WFDC1: variants seen among roughly 807,000 people sequenced by gnomAD.
The protein encoded by WFDC1 is WAP four-disulfide core domain 1.
A neutral mutation model predicts 32.9 loss-of-function variants in WFDC1; 39 were observed. That is an observed-to-expected ratio of 1.19 (90% CI 0.92 to 1.55). WFDC1 has a LOEUF of 1.55. Ranked by LOEUF, WFDC1 falls within the 40% of genes most tolerant of loss-of-function variation. WFDC1 has a pLI of 0.00. For missense variants in WFDC1, 386 were observed against 309.5 expected (o/e 1.25, Z -1.85); for synonymous variants, 184 against 137.4 (o/e 1.34, Z -2.37).
chr16:84,297,131 T>C (rs1471161146), intron 1 of WFDC1: 1 of 152,216 alleles, frequency 6.6e-6, no homozygotes, highest in Non-Finnish European at 1.5e-5. Context: ...TCAGGGTTGA[T>C]ATGCGCGGGG....
intron 3 of WFDC1, chr16:84,318,947 C>T: frequency 5.2e-6 from 1 of 193,334 alleles, no homozygotes; most frequent in Non-Finnish European, 1.1e-5. Flanking sequence ...TGTGTGCATG[C>T]AAAAGTGTGT....
chr16:84,303,299 G>A (rs1489504604), intron 1 of WFDC1, among the ~76,000 whole-genome samples: 1 of 152,126 alleles, frequency 6.6e-6, no homozygotes, highest in East Asian at 1.9e-4. Context: ...TGGCCGCTAA[G>A]CTGCTGGAAC....
At chr16:84,309,342 G>A (rs896407014) in intron 1 of WFDC1, among the ~76,000 whole-genome samples, 8 of 152,180 alleles carry the variant, frequency 5.3e-5, no homozygotes, top group African/African-American at 1.9e-4. Context: ...TGTCCCGAGG[G>A]TGCTGGGAAG....
At chr16:84,315,121 G>A (rs979253563) in intron 2 of WFDC1, among the ~76,000 whole-genome samples, 1 of 152,164 alleles carries the variant, frequency 6.6e-6, no homozygotes, top group African/African-American at 2.4e-5. Flanking sequence ...GGAATGTGGA[G>A]CCCCTGCCCT....
chr16:84,310,955 G>T (rs2151374224), intron 1 of WFDC1, among the ~76,000 whole-genome samples: 1 of 152,318 alleles, frequency 6.6e-6, no homozygotes. Flanking sequence ...AAGCATTTTA[G>T]ATTAAAGGAA....
chr16:84,311,680 G>C (rs189352882), intron 1 of WFDC1, among the ~76,000 whole-genome samples: 1 of 137,922 alleles, frequency 7.3e-6, no homozygotes, highest in Non-Finnish European at 1.5e-5. Context: ...AGGAGAGAAT[G>C]AGCATGCCTG....
chr16:84,323,756 C>T (rs1308519758), intron 4 of WFDC1, among the ~76,000 whole-genome samples: 1 of 152,188 alleles, frequency 6.6e-6, no homozygotes, highest in Admixed American at 6.5e-5. Context: ...ATCTCTTCCC[C>T]CTGTGAACAT....
chr16:84,298,224 A>G (rs2151363936), intron 1 of WFDC1, among the ~76,000 whole-genome samples: 1 of 152,048 alleles, frequency 6.6e-6, no homozygotes, highest in East Asian at 1.9e-4. Context: ...TCTTGTGCCT[A>G]GGCCTCCTGA....
Position 84,326,971 on chromosome 16 carries a change from G to A in WFDC1, c.*15+16G>A, listed in dbSNP as rs1460367155. On this transcript the variant is annotated intron_variant, in intron 6 of 6. Transcript: ENST00000219454. ...CGGCAAGCAGGTGAGTGGGCAGAGA[G>A]CAAGAGTCATGGCCAGGGTAAATGT... is the stretch of plus-strand genomic sequence containing the variant. 1.2e-6 allele frequency: 2 copies of A among 1,613,598 alleles called. No homozygotes were observed. The highest frequency in any genetic ancestry group is 1.1e-5 in the South Asian group (1 of 91,060).
chr16:84,326,969 G>A lies in WFDC1; in HGVS notation c.*15+14G>A, dbSNP rs1245565908. 1.2e-6 allele frequency: 2 copies of A among 1,613,776 alleles called. No homozygotes were observed. Among genetic ancestry groups the A allele is most frequent in the Admixed American group, 1.7e-5 (1 of 60,020 alleles). On this transcript the variant is annotated intron_variant, in intron 6 of 6. Transcript: ENST00000219454. ...AACGGCAAGCAGGTGAGTGGGCAGA[G>A]AGCAAGAGTCATGGCCAGGGTAAAT...
At chr16:84,320,999 A>G (rs1033441313) in intron 4 of WFDC1, among the ~76,000 whole-genome samples, 2 of 152,214 alleles carry the variant, frequency 1.3e-5, no homozygotes, top group Non-Finnish European at 1.5e-5. Context: ...CTGAACTTTG[A>G]AGAAATTATC....
In WFDC1 at chr16:84,313,166, C is replaced by T; in HGVS notation, c.337+13C>T. On this transcript the variant is annotated intron_variant, in intron 2 of 6. Coordinates refer to ENST00000219454, the MANE Select transcript of WFDC1 (RefSeq NM_021197.4). ...CCGCCCCCGCCAGGTAGGTCCTGGG[C>T]CCGAGGGAGGGGGCTGAGGGAGGAG... 1 of 1,409,278 alleles carries T rather than the reference C, an allele frequency of 7.1e-7. No individual in the cohort carries two copies. 87.3% of individuals were successfully genotyped at this position (1,409,278 alleles called of 1,614,324 possible).
At chr16:84,317,224 C>T (rs1174460911) in intron 2 of WFDC1, 1 of 151,928 alleles carries the variant, frequency 6.6e-6, no homozygotes, top group African/African-American at 2.4e-5. Context: ...ACCTGGGAGG[C>T]AGAGGTTGCA....
chr16:84,309,551 G>A (rs1477025319), intron 1 of WFDC1, among the ~76,000 whole-genome samples: 1 of 152,120 alleles, frequency 6.6e-6, no homozygotes, highest in Non-Finnish European at 1.5e-5. Flanking sequence ...CAGATATCAA[G>A]TTTCCAGGGG....
intron 6 of WFDC1, 165 bp downstream of exon 6, chr16:84,327,120 A>G: frequency 3.1e-6 from 2 of 651,048 alleles, no homozygotes; most frequent in East Asian, 2.7e-5. Context: ...AACGTCATCA[A>G]TAGGTTCTTG....
chr16:84,318,145 G>A (rs1199603140), intron 2 of WFDC1, 127 bp from the exon 3 acceptor site: 3 of 820,400 alleles, frequency 3.7e-6, no homozygotes, highest in Non-Finnish European at 6.1e-6. Flanking sequence ...GGTGTGCCAG[G>A]AACCATAGTT....
In WFDC1 at chr16:84,295,202, C is replaced by A. The variant is rs974525950; in HGVS notation, c.144+87C>A. The A allele has an allele frequency of 2.0e-6, 3 of 1,522,184 alleles. No individual in the cohort carries two copies. In the African/African-American group the frequency reaches 4.1e-5, roughly 21 times the overall value. 94.3% of individuals were successfully genotyped at this position (1,522,184 alleles called of 1,614,324 possible). On this transcript the variant is annotated intron_variant, in intron 1 of 6. Coordinates refer to ENST00000219454, the MANE Select transcript of WFDC1 (RefSeq NM_021197.4). ...AGGCGATCCCTAGACACTGCCTTCT[C>A]CTGTAAGTGCTCCCCCAAAACGTGG... is the stretch of plus-strand genomic sequence containing the variant.
chr16:84,315,593 T>C (rs955942587), intron 2 of WFDC1, among the ~76,000 whole-genome samples: 4 of 152,230 alleles, frequency 2.6e-5, no homozygotes, highest in African/African-American at 9.6e-5. Flanking sequence ...CATTTGGGAT[T>C]GGTTGATTCT....
chr16:84,302,131 C>G (rs1204961988), intron 1 of WFDC1, among the ~76,000 whole-genome samples: 3 of 152,066 alleles, frequency 2.0e-5, no homozygotes, highest in Admixed American at 6.5e-5. Context: ...GTGTGTGACA[C>G]TGTTTGGATG....
Sources: gnomAD v4.1 joint callset for allele counts (sites outside exome capture counted in the v4.1 genomes callset) on GRCh38, gnomAD v4.1.1 for gene constraint, MANE v1.5 for transcripts, NCBI Gene and HGNC (gene_info 2026-07-23, HGNC 2026-07-21) for gene names.